Variants in CLDN16 observed in about 807,000 individuals in gnomAD.
CLDN16 encodes the protein claudin-16.
Under a neutral mutation model 24.6 loss-of-function variants are expected in CLDN16, and 13 were observed. The ratio of observed to expected loss-of-function variants is 0.53; its 90% CI spans 0.34 to 0.84. CLDN16 has a LOEUF of 0.84. Among genes scored for constraint, CLDN16 ranks in the 40% least tolerant of loss-of-function variants. CLDN16 has a pLI of 0.01. For synonymous variants in CLDN16, 116 were observed against 106.7 expected, an observed-to-expected ratio of 1.09 and a Z score of -0.54; for missense variants, 298 against 292.7, an observed-to-expected ratio of 1.02 and a Z score of -0.13.
chr3:190,317,515 G>A, the CLDN16 span, among the ~76,000 whole-genome samples: 2 of 152,188 alleles, frequency 1.3e-5, no homozygotes, highest in Non-Finnish European at 2.9e-5. Flanking sequence ...TAGAAAGACA[G>A]ACATATATGT....
intron 1 of CLDN16, among the ~76,000 whole-genome samples, chr3:190,336,489 C>T (rs1717309084): frequency 6.6e-6 from 1 of 152,178 alleles, no homozygotes; most frequent in African/African-American, 2.4e-5. Context: ...ACAGCACATA[C>T]AACACTTGGG....
upstream of CLDN16, among the ~76,000 whole-genome samples, chr3:190,384,442 A>G (rs1432024563): frequency 6.6e-6 from 1 of 152,158 alleles, no homozygotes; most frequent in Non-Finnish European, 1.5e-5. Context: ...TTCTACAATT[A>G]CTTCCTTTAA....
chr3:190,390,714 G>T (rs1015654279), intron 1 of CLDN16, among the ~76,000 whole-genome samples: 2 of 152,068 alleles, frequency 1.3e-5, no homozygotes, highest in African/African-American at 4.8e-5. Flanking sequence ...TAGCTCAATT[G>T]CTCTTCTCTT....
At chr3:190,345,401 GGAATTT>G (rs1426881779) in intron 1 of CLDN16, among the ~76,000 whole-genome samples, 2 of 152,076 alleles carry the variant, frequency 1.3e-5, no homozygotes, top group African/African-American at 4.8e-5. Flanking sequence ...CTGCACTTAT[GGAATTT>G]GAGTTACTTC....
intron 2 of CLDN16, among the ~76,000 whole-genome samples, chr3:190,373,687 G>GTC (rs1314821749): frequency 6.6e-6 from 1 of 151,834 alleles, no homozygotes; most frequent in African/African-American, 2.4e-5. Context: ...TGAGCTCTTA[G>GTC]AGAACAGGTG....
At chr3:190,313,454 TA>T in the CLDN16 span, among the ~76,000 whole-genome samples, 2 of 152,346 alleles carry the variant, frequency 1.3e-5, no homozygotes, top group East Asian at 3.9e-4. Context: ...CAAAATGGTT[TA>T]CAGTATATCT....
Position 190,342,237 on chromosome 3 carries a change from G to T in CLDN16, n.121+19576G>T, listed in dbSNP as rs376513553. ...AGTTCATTTTCATGCTGCTGATAAG[G>T]ACATACCTGAGACTGGGCAATTTAC... is the stretch of plus-strand genomic sequence containing the variant. On this transcript the variant is annotated intron_variant and non_coding_transcript_variant, in intron 1 of 4. Coordinates refer to the CLDN16 transcript ENST00000468220. Among the ~76,000 whole-genome samples the T allele has an allele frequency of 2.6e-5, 4 of 152,204 alleles. No homozygotes were observed. The East Asian group carries it at 5.8e-4, about 22-fold the overall frequency.
At chr3:190,330,710 G>T (rs1043166290) in intron 1 of CLDN16, among the ~76,000 whole-genome samples, 1 of 152,168 alleles carries the variant, frequency 6.6e-6, no homozygotes, top group African/African-American at 2.4e-5. Context: ...GGAGAATGGG[G>T]TGAAGTGAGA....
chr3:190,308,130 C>T, the CLDN16 span: 1 of 941,260 alleles, frequency 1.1e-6, no homozygotes, highest in Non-Finnish European at 1.7e-6. Flanking sequence ...AGTATTTTAA[C>T]ACATGGGTTT....
At chr3:190,301,292 C>T in the CLDN16 span, among the ~76,000 whole-genome samples, 100 of 152,086 alleles carry the variant, frequency 6.6e-4, no homozygotes, top group African/African-American at 2.2e-3. Flanking sequence ...GTCAGGAGTT[C>T]GAGACCAGCC....
the CLDN16 span, chr3:190,312,967 G>A: frequency 6.2e-7 from 1 of 1,614,140 alleles, no homozygotes; most frequent in South Asian, 1.1e-5. Flanking sequence ...GCCAACGGTG[G>A]CCACAAAGAT....
chr3:190,339,174 T>C (rs60910704), intron 1 of CLDN16, among the ~76,000 whole-genome samples: 10,460 of 152,250 alleles, frequency 0.069, 555 homozygotes, highest in African/African-American at 0.14. Context: ...CCATCCTTCA[T>C]CTTTTCCTGC....
chr3:190,310,177 G>A, the CLDN16 span: 1 of 1,613,434 alleles, frequency 6.2e-7, no homozygotes, highest in Non-Finnish European at 8.5e-7. Context: ...ACCTGGCATT[G>A]ACTGGGGTCA....
the CLDN16 span, among the ~76,000 whole-genome samples, chr3:190,296,482 G>C: frequency 6.6e-6 from 1 of 151,984 alleles, no homozygotes; most frequent in Non-Finnish European, 1.5e-5. Context: ...AGTATGGCCA[G>C]GTCAAGATGG....
chr3:190,409,346 CAT>C (rs1719210000), intron 4 of CLDN16, among the ~76,000 whole-genome samples: 1 of 150,474 alleles, frequency 6.6e-6, no homozygotes, highest in Non-Finnish European at 1.5e-5. Context: ...TAGAATTATA[CAT>C]ATATGTGTGT....
At chr3:190,380,272 T>TCCTTCCTTCCTTCCTTTCTTC (rs1282830158) in intron 3 of CLDN16, among the ~76,000 whole-genome samples, 2 of 150,376 alleles carry the variant, frequency 1.3e-5, no homozygotes, top group Non-Finnish European at 3.0e-5. Context: ...CTTCCTTCCT[T>TCCTTCCTTCCTTCCTTTCTTC]CTGTTTTTTG....
At chr3:190,313,122 G>T in the CLDN16 span, 1 of 1,488,898 alleles carries the variant, frequency 6.7e-7, no homozygotes, top group Non-Finnish European at 9.3e-7. Context: ...TGTCACTGTT[G>T]TATGGAAGAG....
intron 2 of CLDN16, 32 bp from the exon 3 acceptor site, chr3:190,404,730 C>G (rs752112891): frequency 1.2e-6 from 2 of 1,611,468 alleles, no homozygotes; most frequent in Admixed American, 1.7e-5. Context: ...CTTCTTCTGA[C>G]TCTGCTTTAA....
At chr3:190,327,399 G>A (rs1198526763) in intron 1 of CLDN16, among the ~76,000 whole-genome samples, 2 of 152,096 alleles carry the variant, frequency 1.3e-5, no homozygotes, top group Non-Finnish European at 2.9e-5. Context: ...TAGCCAAGTG[G>A]ACACATAAAA....
Sources: gnomAD v4.1 joint callset for allele counts (sites outside exome capture counted in the v4.1 genomes callset) on GRCh38, gnomAD v4.1.1 for gene constraint, MANE v1.5 for transcripts, NCBI Gene and HGNC (gene_info 2026-07-23, HGNC 2026-07-21) for gene names.